Variants in CHD1L observed in about 807,000 individuals in gnomAD.
The protein encoded by CHD1L is chromodomain helicase DNA binding protein 1 like.
CHD1L carries 118 observed loss-of-function variants against 115.9 expected under a neutral mutation model. That is an observed-to-expected ratio of 1.02 (90% CI 0.88 to 1.19). The LOEUF (loss-of-function observed/expected upper bound fraction) is 1.19. CHD1L is among the 50% of genes most tolerant of loss of function. The pLI is 0.00. For missense variants in CHD1L, 1,179 were observed against 1,065.3 expected (o/e 1.11, Z -1.49); for synonymous variants, 411 against 387.1 (o/e 1.06, Z -0.72).
the CHD1L span, among the ~76,000 whole-genome samples, chr1:147,181,210 T>A: frequency 6.6e-6 from 1 of 152,232 alleles, no homozygotes; most frequent in African/African-American, 2.4e-5. Context: ...TGCTTTAGCT[T>A]GCAAGTTTGG....
chr1:147,243,177 C>A, intron 1 of CHD1L: 1 of 185,822 alleles, frequency 5.4e-6, no homozygotes, highest in Admixed American at 6.2e-5. Context: ...TGTAGGTTTC[C>A]AGTTGCTGTT....
the CHD1L span, chr1:147,187,144 GC>G: frequency 1.2e-6 from 2 of 1,614,120 alleles, no homozygotes; most frequent in African/African-American, 2.7e-5. Context: ...GTCAGTGAAG[GC>G]CAGAGACAGC....
intron 11 of CHD1L, among the ~76,000 whole-genome samples, chr1:147,271,440 G>T (rs1676179845): frequency 6.6e-6 from 1 of 152,128 alleles, no homozygotes; most frequent in Admixed American, 6.5e-5. Context: ...AACTTTTTCT[G>T]CATAGACAAT....
chr1:147,229,373 T>C, the CHD1L span, among the ~76,000 whole-genome samples: 2 of 152,156 alleles, frequency 1.3e-5, no homozygotes, highest in Non-Finnish European at 2.9e-5. Flanking sequence ...TCTATATCTC[T>C]GTTTTGGTAC....
At chr1:147,261,921 C>T (rs181790927) in intron 6 of CHD1L, among the ~76,000 whole-genome samples, 40 of 152,190 alleles carry the variant, frequency 2.6e-4, no homozygotes, top group African/African-American at 7.7e-4. Context: ...ACCAGCCGGG[C>T]GCAGTGGCTC....
intron 17 of CHD1L, 106 bp from the exon 18 acceptor site, chr1:147,286,192 G>A: frequency 1.8e-6 from 2 of 1,092,274 alleles, no homozygotes; most frequent in Non-Finnish European, 2.6e-6. Flanking sequence ...GTTTCTAATT[G>A]CATTTCTACT....
At chr1:147,255,971 C>T (rs782555977) in intron 4 of CHD1L, 44 bp downstream of exon 4, 9 of 1,354,596 alleles carry the variant, frequency 6.6e-6, no homozygotes, top group Non-Finnish European at 9.3e-6. Context: ...AACCTGTGAC[C>T]TTAGAAGTTG....
At chr1:147,265,325 T>A (rs2102559265) in intron 7 of CHD1L, among the ~76,000 whole-genome samples, 1 of 152,352 alleles carries the variant, frequency 6.6e-6, no homozygotes, top group Non-Finnish European at 1.5e-5. Flanking sequence ...CATGACATAC[T>A]TGTATTACAT....
chr1:147,245,157 G>T (rs992759130), intron 1 of CHD1L, among the ~76,000 whole-genome samples: 2 of 152,190 alleles, frequency 1.3e-5, no homozygotes, highest in Admixed American at 1.3e-4. Flanking sequence ...AAGGGCAAAA[G>T]AATCTACATC....
intron 5 of CHD1L, among the ~76,000 whole-genome samples, chr1:147,258,141 C>T (rs1257737935): frequency 2.0e-5 from 3 of 152,144 alleles, no homozygotes; most frequent in African/African-American, 7.2e-5. Context: ...TAAGGCTGTG[C>T]ATGTTACAAA....
chr1:147,227,812 A>G, the CHD1L span, among the ~76,000 whole-genome samples: 1 of 152,218 alleles, frequency 6.6e-6, no homozygotes, highest in African/African-American at 2.4e-5. Flanking sequence ...AGAGCTTTCA[A>G]ACAATACAGT....
chr1:147,280,746 C>T (rs1038702329), intron 15 of CHD1L, among the ~76,000 whole-genome samples: 3 of 147,614 alleles, frequency 2.0e-5, no homozygotes, highest in African/African-American at 4.9e-5. Flanking sequence ...TTGTTCTTTT[C>T]TATTCTGAGC....
the CHD1L span, chr1:147,172,800 T>A: frequency 2.0e-5 from 3 of 152,352 alleles, no homozygotes; most frequent in East Asian, 5.8e-4. Context: ...CGTCCCCAAA[T>A]GACACTCGGA....
At chr1:147,195,151 G>A in the CHD1L span, among the ~76,000 whole-genome samples, 2 of 152,162 alleles carry the variant, frequency 1.3e-5, no homozygotes, top group African/African-American at 4.8e-5. Context: ...TCACCAATCC[G>A]ACGTAGATTT....
chr1:147,286,399 TG>T lies in CHD1L; in HGVS notation c.2122del (p.Asp708IlefsTer33), dbSNP rs1553965854. Reference protein sequence around the residue: ...LENGEESSAELDYQDPDATSL... With the variant: ...LENGEESSAEXDYQDPDATSL... ...AATGGGGAAGAGAGCTCTGCTGAGC[TG>T]GATTACCAAGACCCAGATGCTACTT... On this transcript the variant is annotated frameshift_variant, in exon 18 of 23. Coordinates refer to ENST00000369258, the MANE Select transcript of CHD1L (RefSeq NM_004284.6). LOFTEE classifies it high-confidence loss of function. 6.2e-7 allele frequency: 1 copy of T among 1,614,144 alleles called. No homozygotes were observed.
rs41295829 is a variant in CHD1L at position 147,260,159 on chromosome 1, C to T, written c.576+241C>T. ...AACTGATGAACCTACATTGATACAT[C>T]GCTATCACTCAAAGTCCATAGTTTA... On this transcript the variant is annotated intron_variant, in intron 6 of 22. Coordinates refer to ENST00000369258, the MANE Select transcript of CHD1L (RefSeq NM_004284.6). 11,156 of 355,596 alleles carry T rather than the reference C, an allele frequency of 0.031. 292 individuals carry two copies. Among genetic ancestry groups the T allele is most frequent in the Non-Finnish European group, 0.044 (8,378 of 192,534 alleles). 22.0% of individuals were successfully genotyped at this position (355,596 alleles called of 1,614,324 possible). A position where few individuals can be genotyped will look rare whatever the true frequency, so the allele number is the denominator to read the frequency against.
At chr1:147,248,915 C>T (rs918917173) in intron 1 of CHD1L, among the ~76,000 whole-genome samples, 4 of 152,120 alleles carry the variant, frequency 2.6e-5, no homozygotes, top group African/African-American at 9.7e-5. Context: ...TTAAATATTT[C>T]CTTTAGAACC....
At chr1:147,276,881 A>G (rs932501968) in intron 14 of CHD1L, among the ~76,000 whole-genome samples, 2 of 152,172 alleles carry the variant, frequency 1.3e-5, no homozygotes, top group Non-Finnish European at 2.9e-5. Flanking sequence ...CCTAAGGATG[A>G]GGGGCTGGAT....
intron 14 of CHD1L, among the ~76,000 whole-genome samples, chr1:147,278,544 C>A: frequency 6.8e-6 from 1 of 147,212 alleles, no homozygotes; most frequent in African/African-American, 2.5e-5. Flanking sequence ...TTTTTAAATA[C>A]CAAGAAACCA....
Sources: allele counts gnomAD v4.1 joint callset (sites outside exome capture counted in the v4.1 genomes callset), GRCh38; gene constraint gnomAD v4.1.1; transcripts MANE v1.5; gene names NCBI Gene and HGNC (gene_info 2026-07-23, HGNC 2026-07-21).